CDK8: variants seen among roughly 807,000 people sequenced by gnomAD.
The protein encoded by CDK8 is cyclin dependent kinase 8.
In CDK8, 29 loss-of-function variants were observed where a neutral mutation model predicts 71.5. The observed-to-expected ratio is 0.41, with a 90% CI of 0.30 to 0.55. The LOEUF (loss-of-function observed/expected upper bound fraction) is 0.55. CDK8 is among the 20% of genes least tolerant of loss of function. The pLI is 0.37. For synonymous variants in CDK8, 161 were observed against 192.1 expected (o/e 0.84, Z 1.34); for missense variants, 288 against 572.6 (o/e 0.50, Z 5.07).
intron 6 of CDK8, among the ~76,000 whole-genome samples, chr13:26,389,561 C>A (rs10507366): frequency 0.06 from 9,180 of 152,140 alleles, 935 homozygotes; most frequent in African/African-American, 0.21. Flanking sequence ...AGGTAAGTGC[C>A]ATTTTCTCAG....
rs562774950 is a variant in CDK8 at position 26,350,970 on chromosome 13, C to T, written c.315+1788C>T. On this transcript the variant is annotated intron_variant, in intron 3 of 12. Coordinates refer to ENST00000381527, the MANE Select transcript of CDK8 (RefSeq NM_001260.3). ...TTATATATTTTTTAAAAATCTGAAA[C>T]GTTACCTTGCAGATAAAACTTTGAG... Among the ~76,000 whole-genome samples, 17 of 151,848 alleles carry T rather than the reference C, an allele frequency of 1.1e-4. No individual in the cohort carries two copies. The South Asian group carries it at 1.7e-3, about 15-fold the overall frequency.
chr13:26,322,073 G>C (rs1874802328), intron 1 of CDK8, among the ~76,000 whole-genome samples: 1 of 152,086 alleles, frequency 6.6e-6, no homozygotes, highest in African/African-American at 2.4e-5. Context: ...TTCCTGCCAG[G>C]AAGTCCCACT....
At chr13:26,400,848 T>C (rs763775013) in intron 10 of CDK8, among the ~76,000 whole-genome samples, 2 of 152,114 alleles carry the variant, frequency 1.3e-5, no homozygotes, top group Non-Finnish European at 2.9e-5. Context: ...GCAGTTACAG[T>C]TTCATGTTCC....
intron 1 of CDK8, among the ~76,000 whole-genome samples, chr13:26,313,451 A>C (rs929730155): frequency 2.2e-4 from 34 of 152,228 alleles, no homozygotes; most frequent in African/African-American, 7.5e-4. Flanking sequence ...TATCATTAAC[A>C]TAAATAGAGA....
chr13:26,359,744 A>T (rs1363630921), intron 4 of CDK8: 1 of 432,376 alleles, frequency 2.3e-6, no homozygotes, highest in African/African-American at 2.1e-5. Context: ...AGATGGAGTC[A>T]TCACTCTGTT....
intron 1 of CDK8, among the ~76,000 whole-genome samples, chr13:26,329,612 C>G (rs1875211096): frequency 6.6e-6 from 1 of 151,842 alleles, no homozygotes; most frequent in African/African-American, 2.4e-5. Flanking sequence ...AAGTGATTCT[C>G]CTGCCTCAGC....
intron 1 of CDK8, among the ~76,000 whole-genome samples, chr13:26,323,542 G>A (rs1034001005): frequency 3.3e-5 from 5 of 152,112 alleles, no homozygotes; most frequent in African/African-American, 1.2e-4. Flanking sequence ...GGGGGAGACA[G>A]TTCAGTCCAG....
chr13:26,320,913 A>G (rs542350602), intron 1 of CDK8, among the ~76,000 whole-genome samples: 1 of 152,302 alleles, frequency 6.6e-6, no homozygotes, highest in Admixed American at 6.5e-5. Flanking sequence ...ACTCTTGTGC[A>G]CTGTTGGTGG....
chr13:26,370,504 G>T lies in CDK8; in HGVS notation c.457-12310G>T, dbSNP rs564115898. 8.5e-5 allele frequency among the ~76,000 whole-genome samples: 13 copies of T among 152,220 alleles called. No individual in the cohort carries two copies. In the South Asian group the frequency reaches 2.7e-3, roughly 32 times the overall value. ...TAAAATAAGAAAAGGAAACTTCCAA[G>T]CATCAAAAGTATGTATCCCCTGTTT... On this transcript the variant is annotated intron_variant, in intron 4 of 12. Transcript: ENST00000381527.
chr13:26,380,130 A>C (rs1034971992), intron 4 of CDK8, among the ~76,000 whole-genome samples: 9 of 152,172 alleles, frequency 5.9e-5, no homozygotes, highest in African/African-American at 2.2e-4. Context: ...CATCACAAGG[A>C]CTGGACCTTA....
intron 4 of CDK8, among the ~76,000 whole-genome samples, chr13:26,372,939 G>A (rs554141925): frequency 1.3e-5 from 2 of 152,160 alleles, no homozygotes; most frequent in South Asian, 4.1e-4. Context: ...ACTTGTCTTT[G>A]CAACCACATT....
At chr13:26,393,230 G>GGAAA in intron 6 of CDK8, 137 bp from the exon 7 acceptor site, 1 of 576,540 alleles carries the variant, frequency 1.7e-6, no homozygotes, top group Non-Finnish European at 3.0e-6. Context: ...GAGTTATTAG[G>GGAAA]GAAAGAAAGA....
intron 2 of CDK8, among the ~76,000 whole-genome samples, chr13:26,339,142 T>A (rs1230548499): frequency 6.6e-6 from 1 of 152,106 alleles, no homozygotes; most frequent in Non-Finnish European, 1.5e-5. Context: ...TATGAAGTCT[T>A]ACTAATTTTT....
rs1555326211 is a variant in CDK8, at chr13:26,268,275, A to ACACACG, written c.128+13511_128+13512insGCACAC. Among the ~76,000 whole-genome samples, 638 of 149,540 alleles carry ACACACG rather than the reference A, an allele frequency of 4.3e-3. 6 individuals carry two copies. Among genetic ancestry groups the ACACACG allele is most frequent in the African/African-American group, 0.015 (614 of 40,538 alleles). On this transcript the variant is annotated intron_variant, in intron 1 of 12. Coordinates refer to ENST00000381527, the MANE Select transcript of CDK8 (RefSeq NM_001260.3). ...TCCCCCAACACACACACACACACACACACACACACACACACACACACACAC... is the reference window on the plus strand; with the variant it reads ...TCCCCCAACACACACACACACACACACACACGCACACACACACACACACACACACAC...
Position 26,393,427 on chromosome 13 carries a change from G to A in CDK8, c.707G>A (p.Cys236Tyr). The stretch of plus-strand genomic sequence containing the variant: ...CTAACGTCAGAACCAATATTTCACT[G>A]TCGACAAGAGGACATCAAAACTAGT... ...ELLTSEPIFHCRQEDIKTSNP... is the reference protein window; with the variant it reads ...ELLTSEPIFHYRQEDIKTSNP... The change falls in exon 7 of 13, where the codon TGT (cysteine) becomes TAT (tyrosine). Residue 236 changes from cysteine to tyrosine, a missense_variant. Cys to Tyr is a radical substitution (Grantham distance 194). Around this residue, in one of 6 missense-constraint regions of CDK8, gnomAD observed 96 missense variants for 229.8 expected, o/e 0.42. Coordinates refer to ENST00000381527, the MANE Select transcript of CDK8 (RefSeq NM_001260.3). 6.2e-7 allele frequency: 1 copy of A among 1,611,232 alleles called. No individual in the cohort carries two copies.
chr13:26,334,525 T>A (rs965596041), intron 1 of CDK8, among the ~76,000 whole-genome samples: 1 of 152,192 alleles, frequency 6.6e-6, no homozygotes, highest in Non-Finnish European at 1.5e-5. Flanking sequence ...AATGTCTTTT[T>A]CATATAATGA....
At chr13:26,385,107 T>C in intron 5 of CDK8, 104 bp from the exon 6 acceptor site, 1 of 928,546 alleles carries the variant, frequency 1.1e-6, no homozygotes, top group Non-Finnish European at 1.6e-6. Flanking sequence ...CCCCTAGAAT[T>C]GAGCACATTT....
At chr13:26,361,293 AT>A (rs1336592270) in intron 4 of CDK8, among the ~76,000 whole-genome samples, 1 of 152,176 alleles carries the variant, frequency 6.6e-6, no homozygotes, top group East Asian at 1.9e-4. Context: ...TCACTTTTAC[AT>A]TGCATTTAAC....
At chr13:26,371,266 T>C (rs1874670569) in intron 4 of CDK8, among the ~76,000 whole-genome samples, 1 of 152,202 alleles carries the variant, frequency 6.6e-6, no homozygotes, top group Non-Finnish European at 1.5e-5. Flanking sequence ...TTAGTCTGTC[T>C]GACAACATTT....
Sources: allele counts gnomAD v4.1 joint callset (sites outside exome capture counted in the v4.1 genomes callset), GRCh38; gene constraint gnomAD v4.1.1; regional missense constraint gnomAD v4.1.1; transcripts MANE v1.5; gene names NCBI Gene and HGNC (gene_info 2026-07-23, HGNC 2026-07-21).